The following MPPE1 variants were observed in gnomAD, a reference collection of about 807,000 sequenced individuals.
The protein encoded by MPPE1 is metallophosphoesterase 1.
A neutral mutation model predicts 43.8 loss-of-function variants in MPPE1; 28 were observed. The observed-to-expected ratio is 0.64, with a 90% confidence interval of 0.47 to 0.88. The LOEUF is 0.88. Ranked by LOEUF, MPPE1 falls within the 40% of genes least tolerant of loss-of-function variation. The probability of loss-of-function intolerance (pLI) is 0.00; values close to 1 mark genes in which losing one functional copy is unlikely to be tolerated. For missense variants in MPPE1, 428 were observed against 492.2 expected (o/e 0.87, Z 1.23); for synonymous variants, 159 against 188.5 (o/e 0.84, Z 1.28).
Position 11,889,483 on chromosome 18 carries a change from G to T in MPPE1, c.398C>A (p.Ala133Glu), listed in dbSNP as rs141965655. The change falls in exon 5 of 11, where the codon GCG becomes GAG. Residue 133 changes from alanine to glutamate, a missense_variant. By Grantham distance (107) the Ala-to-Glu change is moderately radical. This residue lies in a region of MPPE1 where 379 missense variants were observed against 402.5 expected (regional missense o/e 0.94). Coordinates refer to ENST00000588072, the MANE Select transcript of MPPE1 (RefSeq NM_023075.6). ...TTTCTGAAACCGCTCCACATCATCC[G>T]CCCAGGCCTGAGGGAAAAAGAATCA... ...EGKWSTPEAW[A>E]DDVERFQKMF... 3 of 1,611,274 alleles carry T rather than the reference G, an allele frequency of 1.9e-6. No individual in the cohort carries two copies. In the African/African-American group the frequency reaches 4.0e-5, roughly 22 times the overall value.
chr18:11,900,361 C>T (rs1302313173), intron 2 of MPPE1, among the ~76,000 whole-genome samples: 1 of 151,620 alleles, frequency 6.6e-6, no homozygotes, highest in Non-Finnish European at 1.5e-5. Flanking sequence ...AAAAAATTAG[C>T]TGGGCGTGGT....
intron 2 of MPPE1, 69 bp downstream of exon 2, chr18:11,906,134 A>G (rs1336196322): frequency 6.6e-6 from 1 of 152,232 alleles, no homozygotes; most frequent in Non-Finnish European, 1.5e-5. Context: ...TAGGATGGAA[A>G]GGCAGAGATG....
intron 2 of MPPE1, among the ~76,000 whole-genome samples, chr18:11,898,834 C>A (rs997351173): frequency 6.6e-6 from 1 of 152,096 alleles, no homozygotes; most frequent in Non-Finnish European, 1.5e-5. Flanking sequence ...TCCATAAAAA[C>A]CCTAACTTCT....
chr18:11,890,388 G>A (rs996065003), intron 4 of MPPE1, among the ~76,000 whole-genome samples: 1 of 151,902 alleles, frequency 6.6e-6, no homozygotes, highest in Non-Finnish European at 1.5e-5. Context: ...TGGCTCACTG[G>A]AACCTCTGCC....
At chr18:11,892,654 C>T (rs914279465) in intron 4 of MPPE1, among the ~76,000 whole-genome samples, 8 of 148,696 alleles carry the variant, frequency 5.4e-5, no homozygotes, top group African/African-American at 2.0e-4. Flanking sequence ...GCCTGGGCAA[C>T]GAGTGAAACT....
intron 3 of MPPE1, 108 bp downstream of exon 3, chr18:11,896,876 G>C: frequency 9.9e-7 from 1 of 1,012,922 alleles, no homozygotes; most frequent in Non-Finnish European, 1.4e-6. Context: ...CCTCCTTTGA[G>C]AGGAAAATAA....
At chr18:11,892,709 A>G (rs1208661578) in intron 4 of MPPE1, among the ~76,000 whole-genome samples, 3 of 152,114 alleles carry the variant, frequency 2.0e-5, no homozygotes, top group Non-Finnish European at 2.9e-5. Context: ...TGGCCTTCCA[A>G]AGTGCTGGTA....
chr18:11,893,081 G>A (rs1489027685), intron 4 of MPPE1: 1 of 168,450 alleles, frequency 5.9e-6, no homozygotes, highest in Non-Finnish European at 1.3e-5. Flanking sequence ...GGTTCAATAA[G>A]AGTGTGAAAT....
rs377709259 is a variant in MPPE1, at chr18:11,889,420, A to G, written c.461T>C (p.Val154Ala). 6.2e-6 allele frequency: 10 copies of G among 1,613,082 alleles called. No individual in the cohort carries two copies. In the South Asian group the frequency reaches 7.7e-5, roughly 12 times the overall value. ...GAAGCCAATGTCATGGTTTCCAGCAACTACCTTCAGCTGTACATGACTTGG... is the reference window on the plus strand; with the variant it reads ...GAAGCCAATGTCATGGTTTCCAGCAGCTACCTTCAGCTGTACATGACTTGG... ...RHPSHVQLKV[V>A]AGNHDIGFHY... Residue 154 changes from valine to alanine, a missense_variant, in exon 5 of 11, where the codon GTT becomes GCT. By Grantham distance (64) the Val-to-Ala change is moderately conservative. This residue lies in a region of MPPE1 where 379 missense variants were observed against 402.5 expected (regional missense o/e 0.94). Coordinates refer to ENST00000588072, the MANE Select transcript of MPPE1 (RefSeq NM_023075.6).
At chr18:11,893,328 G>A (rs1288800659) in intron 4 of MPPE1, 140 bp downstream of exon 4, 2 of 596,874 alleles carry the variant, frequency 3.4e-6, no homozygotes, top group Non-Finnish European at 6.0e-6. Context: ...CTTCCAAATA[G>A]CCTACGCATT....
intron 2 of MPPE1, among the ~76,000 whole-genome samples, chr18:11,904,346 G>A (rs1053418809): frequency 2.0e-5 from 3 of 149,628 alleles, no homozygotes; most frequent in African/African-American, 7.5e-5. Flanking sequence ...ACAAGGTCTC[G>A]CCCTGTCACC....
chr18:11,887,219 C>G (rs1455564296), intron 6 of MPPE1, among the ~76,000 whole-genome samples, 194 bp from the exon 7 acceptor site: 1 of 152,144 alleles, frequency 6.6e-6, no homozygotes, highest in Non-Finnish European at 1.5e-5. Context: ...ACTGGGAGTT[C>G]TGTCTAAGAC....
intron 1 of MPPE1, among the ~76,000 whole-genome samples, chr18:11,906,819 A>T (rs909413612): frequency 6.8e-6 from 1 of 147,438 alleles, no homozygotes; most frequent in Non-Finnish European, 1.5e-5. Flanking sequence ...GCGCCATTGC[A>T]CTCCAGCCTG....
chr18:11,883,544 T>A lies in MPPE1; in HGVS notation c.*901A>T, dbSNP rs1489227685. ...GCCATATCCCATTCCACTTTTTAAGTTTCTTTTGATCACTGACAGGCATTA... is the reference window on the plus strand; with the variant it reads ...GCCATATCCCATTCCACTTTTTAAGATTCTTTTGATCACTGACAGGCATTA... On this transcript the variant is annotated 3_prime_UTR_variant, in exon 11 of 11. Coordinates refer to ENST00000588072, the MANE Select transcript of MPPE1 (RefSeq NM_023075.6). 1 of 153,668 alleles carries A rather than the reference T, an allele frequency of 6.5e-6. No individual in the cohort carries two copies. Among genetic ancestry groups the A allele is most frequent in the Admixed American group, 6.5e-5 (1 of 15,286 alleles). 9.5% of individuals were successfully genotyped at this position (153,668 alleles called of 1,614,324 possible). A position where few individuals can be genotyped will look rare whatever the true frequency, so the allele number is the denominator to read the frequency against.
intron 1 of MPPE1, among the ~76,000 whole-genome samples, chr18:11,906,683 C>A (rs932149938): frequency 2.6e-5 from 4 of 151,794 alleles, no homozygotes. Flanking sequence ...TGGAGAAACC[C>A]CGTCTCTACT....
chr18:11,901,191 GA>G (rs2039161866), intron 2 of MPPE1, among the ~76,000 whole-genome samples: 1 of 151,990 alleles, frequency 6.6e-6, no homozygotes, highest in Admixed American at 6.6e-5. Context: ...TGTTTCATTA[GA>G]ATGGCATTAC....
Position 11,884,344 on chromosome 18 carries a change from G to C in MPPE1, c.*101C>G, listed in dbSNP as rs2036858511. ...ATTGAGAATTTCTGTGCTGTGCAGA[G>C]AGACGGCCTGTAATTGGTCTCATCA... On this transcript the variant is annotated 3_prime_UTR_variant, in exon 11 of 11. Transcript: ENST00000588072. 6.4e-6 allele frequency: 7 copies of C among 1,102,060 alleles called. No individual in the cohort carries two copies. Among genetic ancestry groups the C allele is most frequent in the Non-Finnish European group, 9.4e-6 (7 of 747,918 alleles). 68.3% of individuals were successfully genotyped at this position (1,102,060 alleles called of 1,614,324 possible). A position where few individuals can be genotyped will look rare whatever the true frequency, so the allele number is the denominator to read the frequency against.
intron 2 of MPPE1, chr18:11,902,868 G>C (rs920883459): frequency 6.6e-6 from 1 of 152,356 alleles, no homozygotes; most frequent in African/African-American, 2.4e-5. Context: ...TGGATGAAGA[G>C]AGCAGGACAG....
Position 11,884,917 on chromosome 18 carries a change from A to C in MPPE1, c.1009-290T>G, listed in dbSNP as rs2036953844. The C allele has an allele frequency of 3.9e-6, 5 of 1,289,896 alleles. No homozygotes were observed. In the Admixed American group the frequency reaches 1.5e-4, roughly 39 times the overall value. The allele number at this position is 1,289,896 out of a possible 1,614,324, so 79.9% of individuals were successfully genotyped here. On this transcript the variant is annotated intron_variant, in intron 10 of 10. Coordinates refer to ENST00000588072, the MANE Select transcript of MPPE1 (RefSeq NM_023075.6). ...CCCCTGGCTCACTGGGTTCCCATCA[A>C]ATATAGTGGGGGATCCATAACAGAG...
Sources: gnomAD v4.1 joint callset for allele counts (sites outside exome capture counted in the v4.1 genomes callset) on GRCh38, gnomAD v4.1.1 for gene constraint, gnomAD v4.1.1 regional missense constraint, MANE v1.5 for transcripts, NCBI Gene and HGNC (gene_info 2026-07-23, HGNC 2026-07-21) for gene names.